The following SMC3 variants were observed in gnomAD, a reference collection of about 807,000 sequenced individuals.
SMC3 encodes the protein structural maintenance of chromosomes protein 3.
In SMC3, 20 loss-of-function variants were observed where a neutral mutation model predicts 171.8. The ratio of observed to expected loss-of-function variants is 0.12; its 90% CI spans 0.08 to 0.17. The LOEUF (loss-of-function observed/expected upper bound fraction) is 0.17, where lower values mean the gene tolerates loss of function less well. Ranked by LOEUF, SMC3 falls within the 10% of genes least tolerant of loss-of-function variation. SMC3 has a pLI of 1.00. For missense variants in SMC3, 543 were observed against 1,420.4 expected, an observed-to-expected ratio of 0.38 and a Z score of 9.93; for synonymous variants, 464 against 451.1, an observed-to-expected ratio of 1.03 and a Z score of -0.36.
chr10:110,571,857 TG>T (rs1860878448), intron 2 of SMC3, among the ~76,000 whole-genome samples: 1 of 152,128 alleles, frequency 6.6e-6, no homozygotes, highest in African/African-American at 2.4e-5. Context: ...ACTGGTAATC[TG>T]TTATTCTCCT....
At chr10:110,599,960 A>C in intron 21 of SMC3, 148 bp downstream of exon 21, 1 of 781,730 alleles carries the variant, frequency 1.3e-6, no homozygotes, top group South Asian at 1.6e-5. Flanking sequence ...AGGAGTAAAT[A>C]AGATTTTGTT....
chr10:110,567,983 T>TC, intron 1 of SMC3, 152 bp downstream of exon 1: 1 of 939,192 alleles, frequency 1.1e-6, no homozygotes, highest in South Asian at 1.5e-5. Context: ...GAGACCCGGG[T>TC]CCCGCTAGTG....
chr10:110,588,892 G>A (rs953266451), intron 13 of SMC3, among the ~76,000 whole-genome samples: 1 of 152,096 alleles, frequency 6.6e-6, no homozygotes, highest in Admixed American at 6.5e-5. Context: ...TTGTGTGTGT[G>A]TGTAGAGGGG....
intron 13 of SMC3, among the ~76,000 whole-genome samples, chr10:110,588,970 A>T (rs1228982010): frequency 3.3e-5 from 5 of 152,168 alleles, no homozygotes; most frequent in African/African-American, 1.2e-4. Context: ...TCTGGAGTGT[A>T]TATTATAGAA....
intron 6 of SMC3, 74 bp downstream of exon 6, chr10:110,577,988 G>T: frequency 9.6e-7 from 1 of 1,045,928 alleles, no homozygotes. Flanking sequence ...GTGTTGGCCA[G>T]GTTGGTCTCG....
chr10:110,590,352 C>G, intron 15 of SMC3, 60 bp from the exon 16 acceptor site: 1 of 1,421,290 alleles, frequency 7.0e-7, no homozygotes, highest in Non-Finnish European at 9.9e-7. Context: ...GGGCTCATTC[C>G]TTACCAGGAG....
At chr10:110,580,478 T>C (rs1031459007) in intron 7 of SMC3, among the ~76,000 whole-genome samples, 1 of 152,224 alleles carries the variant, frequency 6.6e-6, no homozygotes, top group African/African-American at 2.4e-5. Flanking sequence ...AACAGTTGTA[T>C]TTGGATTTTA....
At chr10:110,573,176 C>A (rs1212974446) in intron 2 of SMC3, among the ~76,000 whole-genome samples, 1 of 152,044 alleles carries the variant, frequency 6.6e-6, no homozygotes, top group Non-Finnish European at 1.5e-5. Flanking sequence ...GGATTTGATA[C>A]CCTTTTACGT....
At chr10:110,600,377 T>C in intron 21 of SMC3, 62 bp from the exon 22 acceptor site, 1 of 833,176 alleles carries the variant, frequency 1.2e-6, no homozygotes, top group Non-Finnish European at 2.1e-6. Flanking sequence ...GGACAGCAAA[T>C]GAGCACCATT....
chr10:110,567,708 G>A lies in SMC3; in HGVS notation c.-109G>A, dbSNP rs1860791722. On this transcript the variant is annotated 5_prime_UTR_variant, in exon 1 of 29. Transcript: ENST00000361804. ...CGCCGCCATTTTGTTTGGCTGAGGG[G>A]AGCGAGCGGCGCTTTGGGGGAGGGG... The A allele has an allele frequency of 7.3e-7, 1 of 1,366,934 alleles. No homozygotes were observed. Among genetic ancestry groups the A allele is most frequent in the Non-Finnish European group, 1.0e-6 (1 of 965,346 alleles). 84.7% of individuals were successfully genotyped at this position (1,366,934 alleles called of 1,614,324 possible).
intron 5 of SMC3, 63 bp downstream of exon 5, chr10:110,577,555 A>G: frequency 5.3e-6 from 6 of 1,142,420 alleles, no homozygotes; most frequent in Non-Finnish European, 7.9e-6. Context: ...TTTTCTTCAT[A>G]CTTTGAAACT....
intron 19 of SMC3, among the ~76,000 whole-genome samples, chr10:110,597,135 C>A (rs1470954615): frequency 1.5e-5 from 1 of 67,370 alleles, no homozygotes; most frequent in African/African-American, 4.8e-5. Flanking sequence ...CAAAGTGGGA[C>A]CCTGTCTCAA....
At chr10:110,597,714 A>G (rs11195209) in intron 19 of SMC3, among the ~76,000 whole-genome samples, 17,699 of 152,296 alleles carry the variant, frequency 0.12, 1,213 homozygotes, top group East Asian at 0.26. Flanking sequence ...TGTGTTTGAT[A>G]ATCCAGCTAG....
At chr10:110,582,351 GCTT>G (rs952985369) in intron 9 of SMC3, among the ~76,000 whole-genome samples, 8 of 65,840 alleles carry the variant, frequency 1.2e-4, no homozygotes, top group African/African-American at 2.5e-4. Context: ...CATTTTGAAG[GCTT>G]CTTGTAGTTG....
intron 12 of SMC3, 110 bp downstream of exon 12, chr10:110,584,072 G>A: frequency 6.6e-7 from 1 of 1,524,730 alleles, no homozygotes. Flanking sequence ...AATTCTTTTT[G>A]TATCTTTTTG....
At chr10:110,601,196 A>T (rs1861381480) in intron 23 of SMC3, 66 bp downstream of exon 23, 1 of 1,103,980 alleles carries the variant, frequency 9.1e-7, no homozygotes, top group Non-Finnish European at 1.4e-6. Flanking sequence ...CTACAGAATG[A>T]AATGTCCAAA....
intron 13 of SMC3, among the ~76,000 whole-genome samples, chr10:110,588,757 C>A (rs1861162447): frequency 6.6e-6 from 1 of 152,098 alleles, no homozygotes; most frequent in Non-Finnish European, 1.5e-5. Context: ...GAATACAGTT[C>A]ATTAATTCTC....
At chr10:110,577,271 G>A (rs958009309) in intron 4 of SMC3, 150 bp from the exon 5 acceptor site, 64 of 667,686 alleles carry the variant, frequency 9.6e-5, no homozygotes, top group South Asian at 6.8e-4. Context: ...GAGCAGAGAC[G>A]TTAGATTAGT....
chr10:110,587,796 G>A (rs1201873089), intron 13 of SMC3, among the ~76,000 whole-genome samples: 1 of 152,052 alleles, frequency 6.6e-6, no homozygotes, highest in Non-Finnish European at 1.5e-5. Context: ...TAGGAAAACT[G>A]ACTCTTCAAG....
Sources: allele counts gnomAD v4.1 joint callset (sites outside exome capture counted in the v4.1 genomes callset), GRCh38; gene constraint gnomAD v4.1.1; transcripts MANE v1.5; gene names NCBI Gene and HGNC (gene_info 2026-07-23, HGNC 2026-07-21).